Variants in FAAP24 observed in about 807,000 individuals in gnomAD.
FAAP24 encodes Fanconi anemia core complex-associated protein 24.
FAAP24 carries 16 observed loss-of-function variants against 14.3 expected under a neutral mutation model. That is an observed-to-expected ratio of 1.12 (90% CI 0.76 to 1.69). The LOEUF (loss-of-function observed/expected upper bound fraction) is 1.69, where lower values mean the gene tolerates loss of function less well. Among genes scored for constraint, FAAP24 ranks in the 40% most tolerant of loss-of-function variants. The pLI is 0.00. For synonymous variants in FAAP24, 111 were observed against 106.2 expected, an observed-to-expected ratio of 1.04 and a Z score of -0.28; for missense variants, 234 against 262.7, an observed-to-expected ratio of 0.89 and a Z score of 0.75.
rs867961972 is a variant in FAAP24 at position 32,975,170 on chromosome 19, G to A, written c.396+958G>A. Reference sequence around the variant, plus strand: ...TACAGGTGTGAGCCACCATGCCTGGGCAGTTTTTTTTTTTTTTTAGATAGG... The same window carrying A: ...TACAGGTGTGAGCCACCATGCCTGGACAGTTTTTTTTTTTTTTTAGATAGG... On this transcript the variant is annotated intron_variant, in intron 4 of 4. Coordinates refer to ENST00000588258, the MANE Select transcript of FAAP24 (RefSeq NM_152266.5). Among the ~76,000 whole-genome samples the A allele has an allele frequency of 1.8e-4, 26 of 148,370 alleles. 1 individual carries two copies. In the South Asian group the frequency reaches 5.5e-3, roughly 32 times the overall value.
chr19:32,976,693 C>T lies in FAAP24; in HGVS notation c.*11C>T. 6.2e-7 allele frequency: 1 copy of T among 1,612,068 alleles called. No homozygotes were observed. The highest frequency in any genetic ancestry group is 8.5e-7 in the Non-Finnish European group (1 of 1,178,524). On this transcript the variant is annotated 3_prime_UTR_variant, in exon 5 of 5. Transcript: ENST00000588258. ...ACGCAGCCCAGGTGAGGGCTGGCCT[C>T]AGGGCCACGGCATCTTCTCCTGAGA...
Position 32,973,545 on chromosome 19 carries a change from C to T in FAAP24, c.226C>T (p.Leu76Phe), listed in dbSNP as rs1248691529. The T allele has an allele frequency of 1.9e-6, 3 of 1,614,168 alleles. No homozygotes were observed. The highest frequency in any genetic ancestry group is 2.5e-6 in the Non-Finnish European group (3 of 1,180,012). ...GGCAGGAAATGGCTACAGAAAGAGGCTTGTTCGGGTTAGAAATGTAAGTAT... is the reference window on the plus strand; with the variant it reads ...GGCAGGAAATGGCTACAGAAAGAGGTTTGTTCGGGTTAGAAATGTAAGTAT... ...LVAGNGYRKR[L>F]VRVRNSNNLK... Residue 76 changes from leucine (L) to phenylalanine (F), a missense_variant, in exon 3 of 5, where the codon CTT (leucine) becomes TTT (phenylalanine). Leu to Phe is a conservative substitution (Grantham distance 22). Coordinates refer to ENST00000588258, the MANE Select transcript of FAAP24 (RefSeq NM_152266.5).
Position 32,977,107 on chromosome 19 carries a change from A to G in FAAP24, c.*425A>G. Reference sequence around the variant, plus strand: ...CTCCAGCAGCAACCAGTGAAAGATGAGGCGAGGCTTGAATGGAGCCCGTGG... The same window carrying G: ...CTCCAGCAGCAACCAGTGAAAGATGGGGCGAGGCTTGAATGGAGCCCGTGG... On this transcript the variant is annotated 3_prime_UTR_variant, in exon 5 of 5. Transcript: ENST00000588258. 2.5e-6 allele frequency: 1 copy of G among 407,438 alleles called. No homozygotes were observed. 25.2% of individuals were successfully genotyped at this position (407,438 alleles called of 1,614,324 possible).
chr19:32,973,533 T>A lies in FAAP24; in HGVS notation c.214T>A (p.Tyr72Asn). 6.2e-7 allele frequency: 1 copy of A among 1,614,214 alleles called. No individual in the cohort carries two copies. Among genetic ancestry groups the A allele is most frequent in the Non-Finnish European group, 8.5e-7 (1 of 1,180,030 alleles). ...TEADLVAGNG[Y>N]RKRLVRVRNS... is the part of the protein sequence containing the mutation. ...AGCTGATTTGGTGGCAGGAAATGGCTACAGAAAGAGGCTTGTTCGGGTTAG... is the reference window on the plus strand; with the variant it reads ...AGCTGATTTGGTGGCAGGAAATGGCAACAGAAAGAGGCTTGTTCGGGTTAG... Residue 72 changes from tyrosine (Y) to asparagine (N), a missense_variant, in exon 3 of 5, where the codon TAC becomes AAC. Transcript: ENST00000588258.
rs1971439171 is a variant in FAAP24 at position 32,972,337 on chromosome 19, AG to A, written c.-22del. On this transcript the variant is annotated 5_prime_UTR_variant, in exon 1 of 5. Coordinates refer to ENST00000588258, the MANE Select transcript of FAAP24 (RefSeq NM_152266.5). ...TGTATTCGGGCCTTGGACTGGACTG[AG>A]AAGCTACGGTGCGGATCCAGCTGGG... 4 of 409,744 alleles carry A rather than the reference AG, an allele frequency of 9.8e-6. No homozygotes were observed. Among genetic ancestry groups the A allele is most frequent in the Admixed American group, 4.1e-5 (1 of 24,290 alleles). The allele number at this position is 409,744 out of a possible 1,614,324, so 25.4% of individuals were successfully genotyped here. A position where few individuals can be genotyped will look rare whatever the true frequency, so the allele number is the denominator to read the frequency against.
At chr19:32,974,970 G>A (rs1971497065) in intron 4 of FAAP24, among the ~76,000 whole-genome samples, 1 of 151,820 alleles carries the variant, frequency 6.6e-6, no homozygotes, top group African/African-American at 2.4e-5. Flanking sequence ...CCACCTCCCG[G>A]GTTCAAGCCA....
intron 4 of FAAP24, 137 bp downstream of exon 4, chr19:32,974,349 G>T: frequency 9.7e-7 from 1 of 1,033,628 alleles, no homozygotes; most frequent in East Asian, 2.7e-5. Context: ...TTTAAATGCG[G>T]AAGCTGCCTC....
rs559796117 is a variant in FAAP24 at position 32,977,579 on chromosome 19, T to A, written c.*897T>A. 2.5e-4 allele frequency: 98 copies of A among 397,278 alleles called. 1 individual carries two copies. Among genetic ancestry groups the A allele is most frequent in the African/African-American group, 1.6e-3 (76 of 48,672 alleles). 24.6% of individuals were successfully genotyped at this position (397,278 alleles called of 1,614,324 possible). ...ACAGTTTGTTTATAATCACTGCATA[T>A]GTCTTCTGCACACAGAAAGTATGAA... On this transcript the variant is annotated 3_prime_UTR_variant, in exon 5 of 5. Coordinates refer to ENST00000588258, the MANE Select transcript of FAAP24 (RefSeq NM_152266.5).
chr19:32,978,082 G>A lies in FAAP24; in HGVS notation c.*1400G>A, dbSNP rs1296975911. 6.6e-6 allele frequency: 1 copy of A among 151,360 alleles called. No individual in the cohort carries two copies. The highest frequency in any genetic ancestry group is 1.5e-5 in the Non-Finnish European group (1 of 67,876). The allele number at this position is 151,360 out of a possible 1,614,324, so 9.4% of individuals were successfully genotyped here. The stretch of plus-strand genomic sequence containing the variant: ...GGCTGGGGATCAAAAGGTACAAATT[G>A]CCCATTCAAAAAATAGACACAGGCC... On this transcript the variant is annotated 3_prime_UTR_variant, in exon 5 of 5. Coordinates refer to ENST00000588258, the MANE Select transcript of FAAP24 (RefSeq NM_152266.5).
chr19:32,974,050 T>C lies in FAAP24; in HGVS notation c.244-10T>C, dbSNP rs778754653. 9.3e-6 allele frequency: 15 copies of C among 1,612,720 alleles called. No homozygotes were observed. The highest frequency in any genetic ancestry group is 3.4e-6 in the Non-Finnish European group (4 of 1,179,660). On this transcript the variant is annotated splice_polypyrimidine_tract_variant and intron_variant, in intron 3 of 4. Coordinates refer to ENST00000588258, the MANE Select transcript of FAAP24 (RefSeq NM_152266.5). The stretch of plus-strand genomic sequence containing the variant: ...TTGCAAAATGACTTACTGTCTTTTT[T>C]CCTTTCAAGTCCAATAATCTTAAAG...
intron 4 of FAAP24, among the ~76,000 whole-genome samples, chr19:32,974,615 C>G (rs1049346103): frequency 2.0e-5 from 3 of 152,012 alleles, no homozygotes; most frequent in Non-Finnish European, 4.4e-5. Context: ...AAAACCCTGT[C>G]TCTACTAAAA....
rs1249836030 is a variant in FAAP24 at position 32,973,934 on chromosome 19, C to T, written c.244-126C>T. 5 of 874,142 alleles carry T rather than the reference C, an allele frequency of 5.7e-6. No homozygotes were observed. The Admixed American group carries it at 7.2e-5, about 13-fold the overall frequency. 54.1% of individuals were successfully genotyped at this position (874,142 alleles called of 1,614,324 possible). A position where few individuals can be genotyped will look rare whatever the true frequency, so the allele number is the denominator to read the frequency against. On this transcript the variant is annotated intron_variant, in intron 3 of 4. Transcript: ENST00000588258. ...CGAACATTGATTTGTCTCACCCCAC[C>T]CTTCCCTCCATCCCTTGGTATCATT...
At chr19:32,976,180 C>T (rs79873349) in intron 4 of FAAP24, among the ~76,000 whole-genome samples, 2,652 of 152,268 alleles carry the variant, frequency 0.017, 80 homozygotes, top group African/African-American at 0.061. Context: ...TGTTTGAATT[C>T]ATCTGTGTGT....
intron 4 of FAAP24, among the ~76,000 whole-genome samples, chr19:32,975,753 C>T (rs112543340): frequency 3.2e-4 from 48 of 152,332 alleles, no homozygotes; most frequent in African/African-American, 1.1e-3. Context: ...CCATCGCGCC[C>T]GGCCGCCAAC....
At chr19:32,973,591 AC>A in intron 3 of FAAP24, 29 bp downstream of exon 3, 1 of 1,612,640 alleles carries the variant, frequency 6.2e-7, no homozygotes, top group Non-Finnish European at 8.5e-7. Context: ...GCTGTGGCTC[AC>A]GCCAGTAATC....
At chr19:32,974,770 C>T (rs1045920971) in intron 4 of FAAP24, among the ~76,000 whole-genome samples, 1 of 151,900 alleles carries the variant, frequency 6.6e-6, no homozygotes, top group East Asian at 1.9e-4. Flanking sequence ...GCAACAGGAG[C>T]GAAACTTTGT....
Position 32,976,780 on chromosome 19 carries a change from G to A in FAAP24, c.*98G>A. On this transcript the variant is annotated 3_prime_UTR_variant, in exon 5 of 5. Coordinates refer to ENST00000588258, the MANE Select transcript of FAAP24 (RefSeq NM_152266.5). ...CCAAGAGAATGGGCCGGGTGCACTG[G>A]CTCACGCCTCTAATCTCAGCACTTT... 1.4e-6 allele frequency: 2 copies of A among 1,468,956 alleles called. No homozygotes were observed. The highest frequency in any genetic ancestry group is 2.5e-5 in the South Asian group (2 of 78,716). 91.0% of individuals were successfully genotyped at this position (1,468,956 alleles called of 1,614,324 possible). A position where few individuals can be genotyped will look rare whatever the true frequency, so the allele number is the denominator to read the frequency against.
chr19:32,973,481 C>G lies in FAAP24; in HGVS notation c.162C>G (p.Asn54Lys), dbSNP rs745374040. The part of the protein sequence containing the change: ...DGLTPDFYLS[N>K]RCCILYVTEA... ...TGACACCAGACTTTTATCTGTCGAA[C>G]AGATGCTGCATTCTTTATGTCACCG... The change falls in exon 3 of 5, where the codon AAC becomes AAG. Residue 54 changes from asparagine to lysine, a missense_variant. Coordinates refer to ENST00000588258, the MANE Select transcript of FAAP24 (RefSeq NM_152266.5). The G allele has an allele frequency of 6.2e-7, 1 of 1,614,230 alleles. No homozygotes were observed. The highest frequency in any genetic ancestry group is 1.1e-5 in the South Asian group (1 of 91,088).
rs1490843833 is a variant in FAAP24, at chr19:32,974,047, TTTTCC to T, written c.244-8_244-4del. The T allele has an allele frequency of 3.1e-6, 5 of 1,613,464 alleles. No individual in the cohort carries two copies. Among genetic ancestry groups the T allele is most frequent in the African/African-American group, 2.7e-5 (2 of 74,902 alleles). ...TGGTTGCAAAATGACTTACTGTCTT[TTTTCC>T]TTTCAAGTCCAATAATCTTAAAGGA... On this transcript the variant is annotated splice_polypyrimidine_tract_variant and splice_region_variant and intron_variant, in intron 3 of 4. Coordinates refer to ENST00000588258, the MANE Select transcript of FAAP24 (RefSeq NM_152266.5).
Sources: gnomAD v4.1 joint callset for allele counts (sites outside exome capture counted in the v4.1 genomes callset) on GRCh38, gnomAD v4.1.1 for gene constraint, MANE v1.5 for transcripts, NCBI Gene and HGNC (gene_info 2026-07-23, HGNC 2026-07-21) for gene names.